Variants in MCF2L2 observed in about 807,000 individuals in gnomAD.
MCF2L2 encodes the protein MCF.2 cell line derived transforming sequence-like 2.
Under a neutral mutation model 150.2 loss-of-function variants are expected in MCF2L2, and 102 were observed. That is an observed-to-expected ratio of 0.68 (90% CI 0.58 to 0.80). MCF2L2 has a LOEUF of 0.80. MCF2L2 is among the 30% of genes least tolerant of loss of function. MCF2L2 has a pLI of 0.00. For synonymous variants in MCF2L2, 465 were observed against 491.3 expected, an observed-to-expected ratio of 0.95 and a Z score of 0.71; for missense variants, 1,256 against 1,372.8, an observed-to-expected ratio of 0.91 and a Z score of 1.34.
At chr3:183,326,506 A>C (rs1040990642) in intron 5 of MCF2L2, among the ~76,000 whole-genome samples, 8 of 149,152 alleles carry the variant, frequency 5.4e-5, no homozygotes, top group East Asian at 1.9e-4. Context: ...AAAAAAAAAA[A>C]AAAAAAAAAA....
At chr3:183,315,246 A>G (rs1293491385) in intron 7 of MCF2L2, among the ~76,000 whole-genome samples, 1 of 151,910 alleles carries the variant, frequency 6.6e-6, no homozygotes, top group African/African-American at 2.4e-5. Flanking sequence ...CCCAGCCTGT[A>G]TTGTCTTTTA....
At chr3:183,285,055 G>A (rs1315322834) in intron 14 of MCF2L2, among the ~76,000 whole-genome samples, 2 of 152,186 alleles carry the variant, frequency 1.3e-5, no homozygotes, top group Non-Finnish European at 2.9e-5. Context: ...AACTGAACTT[G>A]CCCCCTGATC....
chr3:183,427,786 C>A, intron 1 of MCF2L2, 116 bp downstream of exon 1: 1 of 874,850 alleles, frequency 1.1e-6, no homozygotes, highest in East Asian at 2.6e-5. Flanking sequence ...TGCCGGGCAA[C>A]CCCCCAGGAA....
chr3:183,228,746 G>A (rs1398878636), intron 17 of MCF2L2, among the ~76,000 whole-genome samples: 1 of 152,144 alleles, frequency 6.6e-6, no homozygotes, highest in Non-Finnish European at 1.5e-5. Flanking sequence ...ACTAGTCATA[G>A]ATAGACTGGA....
intron 15 of MCF2L2, chr3:183,265,469 T>G (rs540168616): frequency 1.2e-4 from 18 of 152,418 alleles, no homozygotes; most frequent in African/African-American, 3.6e-4. Context: ...GAAGCTGTGC[T>G]TTAGAGAAGC....
At chr3:183,400,412 C>T in intron 1 of MCF2L2, 1 of 456,658 alleles carries the variant, frequency 2.2e-6, no homozygotes, top group Middle Eastern at 3.3e-4. Context: ...AGGCCCTCAT[C>T]TCTGCCTCTG....
intron 10 of MCF2L2, among the ~76,000 whole-genome samples, chr3:183,301,012 C>T (rs1728815486): frequency 1.2e-5 from 1 of 82,126 alleles, no homozygotes; most frequent in Non-Finnish European, 2.1e-5. Context: ...AAGACTCCAT[C>T]TCAAAAAAAA....
Position 183,427,892 on chromosome 3 carries a change from C to A in MCF2L2, c.76+10G>T. ...TAATAAAACGCAGGAAAAATTAAAG[C>A]TTCGTTTACCGACATGAGTGATCAC... On this transcript the variant is annotated intron_variant, in intron 1 of 29. Coordinates refer to ENST00000328913, the MANE Select transcript of MCF2L2 (RefSeq NM_015078.4). 1 of 1,613,324 alleles carries A rather than the reference C, an allele frequency of 6.2e-7. No homozygotes were observed. The highest frequency in any genetic ancestry group is 8.5e-7 in the Non-Finnish European group (1 of 1,179,242).
At chr3:183,314,600 C>A (rs1423172681) in intron 7 of MCF2L2, among the ~76,000 whole-genome samples, 1 of 151,914 alleles carries the variant, frequency 6.6e-6, no homozygotes, top group African/African-American at 2.4e-5. Flanking sequence ...AGAAATCAAG[C>A]CAAATCCCCT....
intron 23 of MCF2L2, 75 bp from the exon 24 acceptor site, chr3:183,206,289 AATC>A: frequency 9.3e-7 from 1 of 1,072,592 alleles, no homozygotes. Flanking sequence ...CAATCACTCT[AATC>A]CTTTCTATCC....
Position 183,299,993 on chromosome 3 carries a change from T to G in MCF2L2, c.1305+12A>C, listed in dbSNP as rs1322591562. ...CTTGCAGACATCATGTTCTTGGCTG[T>G]GTTTTGCTCACCTTGTCCAGCTGTC... On this transcript the variant is annotated intron_variant, in intron 11 of 29. Coordinates refer to ENST00000328913, the MANE Select transcript of MCF2L2 (RefSeq NM_015078.4). The G allele has an allele frequency of 6.2e-6, 10 of 1,608,194 alleles. No individual in the cohort carries two copies. Among genetic ancestry groups the G allele is most frequent in the Admixed American group, 1.7e-5 (1 of 57,886 alleles).
Position 183,180,059 on chromosome 3 carries a change from G to A in MCF2L2, c.3105+12C>T, listed in dbSNP as rs371691043. On this transcript the variant is annotated intron_variant, in intron 28 of 29. Coordinates refer to ENST00000328913, the MANE Select transcript of MCF2L2 (RefSeq NM_015078.4). ...GGGAAGAAGATGAAAGAAACAAAAG[G>A]GAAGTAATTACACTCAGAGCACTGC... 306 of 1,603,628 alleles carry A rather than the reference G, an allele frequency of 1.9e-4. 1 individual carries two copies. In the African/African-American group the frequency reaches 3.7e-3, roughly 19 times the overall value.
intron 15 of MCF2L2, among the ~76,000 whole-genome samples, chr3:183,264,051 C>G (rs1211564690): frequency 6.6e-6 from 1 of 152,080 alleles, no homozygotes; most frequent in Non-Finnish European, 1.5e-5. Context: ...CCAGTTTAAT[C>G]CCTCTTGCTC....
At chr3:183,373,536 C>A (rs1379178411) in intron 3 of MCF2L2, 1 of 152,134 alleles carries the variant, frequency 6.6e-6, no homozygotes, top group Non-Finnish European at 1.5e-5. Flanking sequence ...AAGTCGGATT[C>A]CAGGTTTTCT....
At chr3:183,240,823 G>A (rs6786969) in intron 15 of MCF2L2, among the ~76,000 whole-genome samples, 151,920 of 152,346 alleles carry the variant, frequency 1, 75,750 homozygotes, top group Middle Eastern at 1. Context: ...CAGTGTTATC[G>A]CTATTTTCCA....
At chr3:183,417,574 C>T (rs1183746390) in intron 1 of MCF2L2, among the ~76,000 whole-genome samples, 1 of 152,218 alleles carries the variant, frequency 6.6e-6, no homozygotes, top group Non-Finnish European at 1.5e-5. Context: ...CCTGGGATCA[C>T]TTGCTTTCAG....
intron 3 of MCF2L2, among the ~76,000 whole-genome samples, chr3:183,360,696 G>A (rs113348868): frequency 0.024 from 3,580 of 152,154 alleles, 144 homozygotes; most frequent in African/African-American, 0.08. Flanking sequence ...TAGGCCAGGC[G>A]TGGTGGGTCA....
intron 1 of MCF2L2, among the ~76,000 whole-genome samples, chr3:183,398,766 G>A (rs1169312950): frequency 2.0e-5 from 3 of 151,994 alleles, no homozygotes; most frequent in African/African-American, 4.8e-5. Flanking sequence ...TGAATATAAC[G>A]TGGCAGTAAT....
At chr3:183,406,314 T>A (rs1045235337) in intron 1 of MCF2L2, among the ~76,000 whole-genome samples, 1 of 152,222 alleles carries the variant, frequency 6.6e-6, no homozygotes, top group African/African-American at 2.4e-5. Context: ...CTACTGATAT[T>A]GAGCATATTT....
Sources: gnomAD v4.1 joint callset for allele counts (sites outside exome capture counted in the v4.1 genomes callset) on GRCh38, gnomAD v4.1.1 for gene constraint, MANE v1.5 for transcripts, NCBI Gene and HGNC (gene_info 2026-07-23, HGNC 2026-07-21) for gene names.